PSME4: variants seen among roughly 807,000 people sequenced by gnomAD.
PSME4 encodes the protein proteasome activator complex subunit 4.
A neutral mutation model predicts 253.9 loss-of-function variants in PSME4; 89 were observed. The observed-to-expected ratio is 0.35, with a 90% CI of 0.30 to 0.42. PSME4 has a LOEUF of 0.42. Among genes scored for constraint, PSME4 ranks in the 10% least tolerant of loss-of-function variants. PSME4 has a pLI of 1.00. For missense variants in PSME4, 2,014 were observed against 2,195.2 expected, an observed-to-expected ratio of 0.92 and a Z score of 1.65; for synonymous variants, 851 against 759.2, an observed-to-expected ratio of 1.12 and a Z score of -1.99.
intron 27 of PSME4, among the ~76,000 whole-genome samples, chr2:53,902,653 T>C (rs1680465790): frequency 6.6e-6 from 1 of 152,172 alleles, no homozygotes; most frequent in African/African-American, 2.4e-5. Context: ...CCTACAACAC[T>C]CTTGAATTAT....
rs763904388 is a variant in PSME4, at chr2:53,922,599, A to C, written c.1979-15T>G. 6.2e-7 allele frequency: 1 copy of C among 1,609,726 alleles called. No individual in the cohort carries two copies. Among genetic ancestry groups the C allele is most frequent in the African/African-American group, 1.3e-5 (1 of 74,804 alleles). ...TACATCATCATCTAAAAACAGCAAA[A>C]TACTATTAGGGGGAAAAACCTATGC... On this transcript the variant is annotated splice_polypyrimidine_tract_variant and intron_variant, in intron 16 of 46. Coordinates refer to ENST00000404125, the MANE Select transcript of PSME4 (RefSeq NM_014614.3).
chr2:53,919,845 A>T (rs934296192), intron 19 of PSME4, among the ~76,000 whole-genome samples: 7 of 152,192 alleles, frequency 4.6e-5, no homozygotes, highest in Admixed American at 4.6e-4. Flanking sequence ...AATAATTCTT[A>T]AAATAAAATT....
rs777409276 is a variant in PSME4 at position 53,887,400 on chromosome 2, C to T, written c.4588G>A (p.Val1530Ile). The T allele has an allele frequency of 5.3e-5, 86 of 1,613,810 alleles. No homozygotes were observed. The highest frequency in any genetic ancestry group is 6.9e-5 in the Non-Finnish European group (82 of 1,179,868). The change falls in exon 40 of 47, where the codon GTC becomes ATC. Residue 1530 changes from valine to isoleucine, a missense_variant. This residue lies in a region of PSME4 where 403 missense variants were observed against 556.1 expected (regional missense o/e 0.72). Transcript: ENST00000404125. ...PNTTPTISPH[V>I]PEFTARILEK... The stretch of plus-strand genomic sequence containing the variant: ...AGAATTCGAGCAGTAAACTCAGGGA[C>T]ATGAGGCGATATGGTTGGTGTGGTA...
intron 18 of PSME4, 54 bp from the exon 19 acceptor site, chr2:53,920,404 C>A (rs930730778): frequency 3.4e-6 from 5 of 1,482,380 alleles, no homozygotes; most frequent in Non-Finnish European, 4.5e-6. Flanking sequence ...ACAACAACAA[C>A]AAACCCACAT....
chr2:53,887,763 T>C lies in PSME4; in HGVS notation c.4520+95A>G, dbSNP rs866563270. 5.8e-6 allele frequency: 8 copies of C among 1,380,930 alleles called. No homozygotes were observed. The Middle Eastern group carries it at 1.1e-3, about 196-fold the overall frequency. The allele number at this position is 1,380,930 out of a possible 1,614,324, so 85.5% of individuals were successfully genotyped here. ...TTGAGAAAGACACCATGAAACCCAC[T>C]GACAACATAACCAGCATGTATTATT... On this transcript the variant is annotated intron_variant, in intron 39 of 46. Coordinates refer to ENST00000404125, the MANE Select transcript of PSME4 (RefSeq NM_014614.3).
chr2:53,895,478 G>T, intron 33 of PSME4, 105 bp downstream of exon 33: 1 of 1,136,794 alleles, frequency 8.8e-7, no homozygotes, highest in South Asian at 1.6e-5. Flanking sequence ...GAAGGGGAAA[G>T]ATAAAAGAAC....
In PSME4 at chr2:53,969,294, C is replaced by T. The variant is rs1425267008; in HGVS notation, c.242+1249G>A. Among the ~76,000 whole-genome samples, 9 of 152,180 alleles carry T rather than the reference C, an allele frequency of 5.9e-5. No homozygotes were observed. The South Asian group carries it at 1.0e-3, about 17-fold the overall frequency. ...TTAACCTTGACATTTTATGATCACT[C>T]TCTGAAGAGGGCAAATTACATGTTT... On this transcript the variant is annotated intron_variant, in intron 1 of 46. Coordinates refer to ENST00000404125, the MANE Select transcript of PSME4 (RefSeq NM_014614.3).
chr2:53,967,400 C>T (rs1020690026), intron 1 of PSME4, among the ~76,000 whole-genome samples: 3 of 151,600 alleles, frequency 2.0e-5, no homozygotes, highest in African/African-American at 4.8e-5. Context: ...CCTGTAATCC[C>T]GCACTTTGGG....
intron 1 of PSME4, among the ~76,000 whole-genome samples, chr2:53,958,554 A>G (rs546703876): frequency 1.3e-5 from 2 of 152,298 alleles, no homozygotes; most frequent in Non-Finnish European, 2.9e-5. Flanking sequence ...TAAACAGTCA[A>G]TATCAGACTT....
At chr2:53,958,845 T>C (rs575947249) in intron 1 of PSME4, among the ~76,000 whole-genome samples, 1 of 149,230 alleles carries the variant, frequency 6.7e-6, no homozygotes, top group African/African-American at 2.5e-5. Context: ...TCAGGAGCCT[T>C]CCTGTATAGC....
intron 10 of PSME4, among the ~76,000 whole-genome samples, chr2:53,931,141 G>A (rs1335642938): frequency 6.6e-6 from 1 of 152,152 alleles, no homozygotes; most frequent in Non-Finnish European, 1.5e-5. Context: ...AGCTGGGTGT[G>A]GTGGCGGGCG....
intron 41 of PSME4, among the ~76,000 whole-genome samples, chr2:53,878,885 T>G (rs1355302009): frequency 6.6e-6 from 1 of 152,202 alleles, no homozygotes; most frequent in Admixed American, 6.5e-5. Flanking sequence ...ATTTCCTTTG[T>G]GATATTTTAT....
At chr2:53,964,132 A>G (rs947030889) in intron 1 of PSME4, among the ~76,000 whole-genome samples, 1 of 152,240 alleles carries the variant, frequency 6.6e-6, no homozygotes, top group Non-Finnish European at 1.5e-5. Flanking sequence ...TAGTGAAAAG[A>G]AAACGACAAG....
At chr2:53,884,510 C>G (rs1157454193) in intron 41 of PSME4, among the ~76,000 whole-genome samples, 2 of 152,156 alleles carry the variant, frequency 1.3e-5, no homozygotes, top group African/African-American at 2.4e-5. Context: ...CACCGGGCCT[C>G]TATCGTACAG....
intron 7 of PSME4, 24 bp downstream of exon 7, chr2:53,936,063 T>A: frequency 1.2e-6 from 2 of 1,606,878 alleles, no homozygotes; most frequent in South Asian, 1.1e-5. Context: ...GCCTGATAAT[T>A]TTTTTCCCCA....
chr2:53,869,321 G>T (rs1678753681), intron 44 of PSME4, 55 bp downstream of exon 44: 1 of 1,461,018 alleles, frequency 6.8e-7, no homozygotes, highest in Non-Finnish European at 9.3e-7. Flanking sequence ...AGTAAGCCTG[G>T]TTAACCCTCA....
At chr2:53,906,541 A>C (rs1434693357) in intron 26 of PSME4, 57 bp downstream of exon 26, 4 of 1,447,842 alleles carry the variant, frequency 2.8e-6, no homozygotes, top group Non-Finnish European at 1.8e-6. Flanking sequence ...GGGGATATTA[A>C]GATTGCATGT....
chr2:53,942,794 T>C (rs998112836), intron 3 of PSME4, among the ~76,000 whole-genome samples: 4 of 152,212 alleles, frequency 2.6e-5, no homozygotes, highest in Non-Finnish European at 4.4e-5. Flanking sequence ...TACTAATTTA[T>C]GATTTAGGAA....
chr2:53,962,736 G>A (rs1238020999), intron 1 of PSME4, among the ~76,000 whole-genome samples: 2 of 152,186 alleles, frequency 1.3e-5, no homozygotes, highest in Non-Finnish European at 2.9e-5. Flanking sequence ...CACACAGCTG[G>A]GCACGGTGGC....
Sources: allele counts gnomAD v4.1 joint callset (sites outside exome capture counted in the v4.1 genomes callset), GRCh38; gene constraint gnomAD v4.1.1; regional missense constraint gnomAD v4.1.1; transcripts MANE v1.5; gene names NCBI Gene and HGNC (gene_info 2026-07-23, HGNC 2026-07-21).